ERMP1: variants seen among roughly 807,000 people sequenced by gnomAD.
ERMP1 encodes endoplasmic reticulum metallopeptidase 1.
Under a neutral mutation model 92.0 loss-of-function variants are expected in ERMP1, and 86 were observed. The observed-to-expected ratio is 0.93, with a 90% CI of 0.79 to 1.12. ERMP1 has a LOEUF of 1.12. ERMP1 is among the 50% of genes most tolerant of loss of function. The pLI, the probability that ERMP1 is intolerant of heterozygous loss-of-function variation, is 0.00. For synonymous variants in ERMP1, 530 were observed against 412.8 expected (o/e 1.28, Z -3.44); for missense variants, 1,342 against 1,116.3 (o/e 1.20, Z -2.88).
intron 8 of ERMP1, among the ~76,000 whole-genome samples, chr9:5,809,033 CT>C (rs547028453): frequency 6.6e-6 from 1 of 151,242 alleles, no homozygotes. Flanking sequence ...GCCCTAATTT[CT>C]TTTTTTTGAG....
Position 5,802,597 on chromosome 9 carries a change from G to A in ERMP1, c.1915-1269C>T, listed in dbSNP as rs112410687. ...GACAGGGTTTCACCATGTTGGCCAG[G>A]CTGGTCTTGAACTGCTGACCTTAAG... On this transcript the variant is annotated intron_variant, in intron 10 of 14. Coordinates refer to ENST00000339450, the MANE Select transcript of ERMP1 (RefSeq NM_024896.3). 1.0e-2 allele frequency among the ~76,000 whole-genome samples: 1,516 copies of A among 152,284 alleles called. 12 individuals carry two copies. Among genetic ancestry groups the A allele is most frequent in the Middle Eastern group, 0.054 (16 of 294 alleles).
At chr9:5,828,786 A>C (rs536667042) in intron 2 of ERMP1, among the ~76,000 whole-genome samples, 67 of 152,134 alleles carry the variant, frequency 4.4e-4, no homozygotes, top group Non-Finnish European at 5.6e-4. Flanking sequence ...TAGAGGGGAA[A>C]CTTTTTTCTT....
At chr9:5,813,131 G>A (rs1829170719) in intron 4 of ERMP1, 96 bp from the exon 5 acceptor site, 2 of 1,338,242 alleles carry the variant, frequency 1.5e-6, no homozygotes, top group Admixed American at 1.8e-5. Context: ...AAAAGTGGTG[G>A]TTTTGGGAGA....
rs10975296 is a variant in ERMP1, at chr9:5,811,539, T to A, written c.1115-216A>T. ...TACTAAATTTCTCAAATAAGGTCCATCCCCTGCCTTTCTCCATTTCCTCTC... is the reference window on the plus strand; with the variant it reads ...TACTAAATTTCTCAAATAAGGTCCAACCCCTGCCTTTCTCCATTTCCTCTC... On this transcript the variant is annotated intron_variant, in intron 6 of 14. Coordinates refer to ENST00000339450, the MANE Select transcript of ERMP1 (RefSeq NM_024896.3). 1.5e-3 allele frequency among the ~76,000 whole-genome samples: 225 copies of A among 152,292 alleles called. 10 individuals carry two copies. The East Asian group carries it at 0.043, about 29-fold the overall frequency.
upstream of ERMP1, among the ~76,000 whole-genome samples, chr9:5,834,320 T>A (rs1391753807): frequency 6.6e-6 from 1 of 152,228 alleles, no homozygotes; most frequent in Non-Finnish European, 1.5e-5. Flanking sequence ...AAGAATCTCC[T>A]AATTTAATTA....
upstream of ERMP1, among the ~76,000 whole-genome samples, chr9:5,834,703 A>ATGTGTGTGTGTG (rs766269385): frequency 0.061 from 7,494 of 122,878 alleles, 442 homozygotes; most frequent in Non-Finnish European, 0.074. Context: ...GTATGTATAT[A>ATGTGTGTGTGTG]TGTGTGTGTG....
intron 6 of ERMP1, among the ~76,000 whole-genome samples, chr9:5,848,375 G>T (rs1830264809): frequency 6.6e-6 from 1 of 152,176 alleles, no homozygotes; most frequent in East Asian, 1.9e-4. Context: ...ACGTGGATCT[G>T]CGCCTAGAAC....
chr9:5,813,868 A>C (rs538106404), intron 4 of ERMP1, among the ~76,000 whole-genome samples: 111 of 148,462 alleles, frequency 7.5e-4, no homozygotes, highest in Non-Finnish European at 1.4e-3. Context: ...ATATAATTAT[A>C]TAATTATACG....
chr9:5,838,878 T>G (rs1461772868), intron 6 of ERMP1, among the ~76,000 whole-genome samples: 1 of 152,068 alleles, frequency 6.6e-6, no homozygotes, highest in Non-Finnish European at 1.5e-5. Context: ...GAAAGAACAC[T>G]AAAGCAATAA....
At chr9:5,791,273 G>C (rs1380392689) in intron 13 of ERMP1, 2 of 456,774 alleles carry the variant, frequency 4.4e-6, no homozygotes, top group Admixed American at 4.7e-5. Context: ...CTGAAGGATA[G>C]GCAGGCAGGC....
At chr9:5,837,394 T>A (rs1830107280), upstream of ERMP1, among the ~76,000 whole-genome samples, 1 of 152,086 alleles carries the variant, frequency 6.6e-6, no homozygotes, top group African/African-American at 2.4e-5. Flanking sequence ...ATCAACAACT[T>A]TTTAACTAGT....
chr9:5,866,414 T>C (rs532761763), intron 5 of ERMP1, among the ~76,000 whole-genome samples: 2 of 152,324 alleles, frequency 1.3e-5, no homozygotes, highest in Non-Finnish European at 2.9e-5. Context: ...TTTGGATATA[T>C]ACAAACAGAG....
chr9:5,836,472 G>A (rs947506549), upstream of ERMP1, among the ~76,000 whole-genome samples: 1 of 152,226 alleles, frequency 6.6e-6, no homozygotes, highest in Non-Finnish European at 1.5e-5. Flanking sequence ...GGCAGAGCAA[G>A]TCAAAACCAA....
In ERMP1 at chr9:5,832,832, TC is replaced by T; in HGVS notation, c.195del (p.Thr66ProfsTer16). On this transcript the variant is annotated frameshift_variant, in exon 1 of 15. Transcript: ENST00000339450. LOFTEE classifies it high-confidence loss of function. ...GGSGGASRGA[G>X]TGLSEVRAAL... is the part of the protein sequence containing the mutation. ...GCGGCGCGCACCTCAGACAGCCCGGTCCCCGCGCCCCTGCTCGCGCCGCCGC... is the reference window on the plus strand; with the variant it reads ...GCGGCGCGCACCTCAGACAGCCCGGTCCCGCGCCCCTGCTCGCGCCGCCGC... 6.7e-7 allele frequency: 1 copy of T among 1,502,484 alleles called. No homozygotes were observed. The highest frequency in any genetic ancestry group is 2.1e-5 in the Admixed American group (1 of 47,300). 93.1% of individuals were successfully genotyped at this position (1,502,484 alleles called of 1,614,324 possible).
rs1453341923 is a variant in ERMP1 at position 5,825,152 on chromosome 9, T to C, written c.708A>G (p.Ser236=). Residue 236 remains serine, a synonymous_variant, in exon 3 of 15, where the codon TCA becomes TCG. Coordinates refer to ENST00000339450, the MANE Select transcript of ERMP1 (RefSeq NM_024896.3). ...ATATGACAGCATGATGCAAGGCTTC[T>C]GAAGATGTTGACAAGACGCGAAGGA... ...LEVLRVLSTS[S]EALHHAVIFL... is the part of the protein sequence containing the mutation. 1.2e-6 allele frequency: 2 copies of C among 1,614,118 alleles called. No homozygotes were observed. The highest frequency in any genetic ancestry group is 8.5e-7 in the Non-Finnish European group (1 of 1,179,978).
intron 8 of ERMP1, among the ~76,000 whole-genome samples, chr9:5,806,741 A>T (rs978350740): frequency 6.6e-6 from 1 of 152,160 alleles, no homozygotes; most frequent in Non-Finnish European, 1.5e-5. Context: ...TGCCTGGCCT[A>T]ATATGAACTT....
At chr9:5,862,328 GA>G (rs1444726840) in intron 5 of ERMP1, among the ~76,000 whole-genome samples, 2 of 151,764 alleles carry the variant, frequency 1.3e-5, no homozygotes, top group African/African-American at 4.8e-5. Context: ...CACCATGCCT[GA>G]CCTACTTATT....
intron 6 of ERMP1, among the ~76,000 whole-genome samples, chr9:5,857,371 A>C (rs958038836): frequency 6.6e-6 from 1 of 152,134 alleles, no homozygotes; most frequent in Non-Finnish European, 1.5e-5. Flanking sequence ...AGTCTGTGTC[A>C]CTTTGTTTGC....
chr9:5,849,661 A>G (rs777432224), intron 6 of ERMP1, among the ~76,000 whole-genome samples: 1 of 152,210 alleles, frequency 6.6e-6, no homozygotes, highest in Non-Finnish European at 1.5e-5. Context: ...TTGTCCTGTG[A>G]TTCTTGGTTA....
Sources: allele counts gnomAD v4.1 joint callset (sites outside exome capture counted in the v4.1 genomes callset), GRCh38; gene constraint gnomAD v4.1.1; transcripts MANE v1.5; gene names NCBI Gene and HGNC (gene_info 2026-07-23, HGNC 2026-07-21).